Variants in LRRC53 observed in about 807,000 individuals in gnomAD.
LRRC53 encodes the protein leucine-rich repeat-containing protein 53.
Under a neutral mutation model 13.6 loss-of-function variants are expected in LRRC53, and 25 were observed. The ratio of observed to expected loss-of-function variants is 1.83; its 90% CI spans 1.34 to 2.56. The LOEUF is 2.56. LRRC53 is among the 30% of genes most tolerant of loss of function. LRRC53 has a pLI of 0.00. For synonymous variants in LRRC53, 204 were observed against 109.8 expected, an observed-to-expected ratio of 1.86 and a Z score of -5.37; for missense variants, 527 against 275.8, an observed-to-expected ratio of 1.91 and a Z score of -6.45.
chr1:74,475,881 A>G (rs889296023), intron 3 of LRRC53, 71 bp from the exon 4 acceptor site: 14 of 534,794 alleles, frequency 2.6e-5, no homozygotes, highest in Non-Finnish European at 4.0e-5. Context: ...AAATGTAAAA[A>G]CCACAAATAT....
At chr1:74,477,373 C>A (rs938365681) in intron 3 of LRRC53, among the ~76,000 whole-genome samples, 1 of 151,936 alleles carries the variant, frequency 6.6e-6, no homozygotes, top group Non-Finnish European at 1.5e-5. Context: ...TGCTTTGATT[C>A]AGTGAATGTT....
the LRRC53 span, among the ~76,000 whole-genome samples, chr1:74,525,881 T>G: frequency 1.3e-5 from 2 of 152,080 alleles, no homozygotes; most frequent in African/African-American, 4.8e-5. Flanking sequence ...AACCCCCACA[T>G]TACTGGCAAG....
At chr1:74,508,946 A>G (rs927583257) in intron 1 of LRRC53, among the ~76,000 whole-genome samples, 2 of 152,140 alleles carry the variant, frequency 1.3e-5, no homozygotes, top group Non-Finnish European at 2.9e-5. Context: ...TCCCTGAGAA[A>G]CTTATGTTGT....
chr1:74,475,274 T>C (rs1417732401), intron 4 of LRRC53, 21 bp downstream of exon 4: 7 of 627,952 alleles, frequency 1.1e-5, no homozygotes, highest in African/African-American at 1.1e-4. Flanking sequence ...AGTGGGATTT[T>C]CTAAAACAAG....
Position 74,470,771 on chromosome 1 carries a change from C to T in LRRC53, c.2851G>A (p.Ala951Thr), listed in dbSNP as rs1667887851. 1 of 400,504 alleles carries T rather than the reference C, an allele frequency of 2.5e-6. No individual in the cohort carries two copies. The highest frequency in any genetic ancestry group is 3.1e-4 in the Middle Eastern group (1 of 3,220). 24.8% of individuals were successfully genotyped at this position (400,504 alleles called of 1,614,324 possible). A position where few individuals can be genotyped will look rare whatever the true frequency, so the allele number is the denominator to read the frequency against. ...NKEYTLDQNE[A>T]LQHREQNSSH... ...GAATTTTGCTCTCTGTGTTGTAAGG[C>T]TTCATTTTGGTCTAAAGTGTATTCC... Residue 951 changes from alanine to threonine, a missense_variant, in exon 5 of 5, where the codon GCC becomes ACC. Ala to Thr is a moderately conservative substitution (Grantham distance 58, BLOSUM62 0). Transcript: ENST00000294635.
intron 1 of LRRC53, among the ~76,000 whole-genome samples, chr1:74,510,941 A>G (rs921307073): frequency 4.6e-5 from 7 of 152,112 alleles, no homozygotes; most frequent in East Asian, 1.9e-4. Context: ...AGGCTGGAGT[A>G]CAATGGTGCG....
In LRRC53 at chr1:74,475,646, G is replaced by A; in HGVS notation, c.1069C>T (p.His357Tyr). ...NYHTKGYCNCHLTQENEIKVM... is the reference protein window; with the variant it reads ...NYHTKGYCNCYLTQENEIKVM... The stretch of plus-strand genomic sequence containing the variant: ...TTTATCTCGTTTTCCTGAGTTAAGT[G>A]GCAGTTGCAGTATCCCTTAGTGTGG... The change falls in exon 4 of 5, where the codon CAC becomes TAC. Residue 357 changes from histidine (H) to tyrosine (Y), a missense_variant. Coordinates refer to ENST00000294635, the MANE Select transcript of LRRC53 (RefSeq NM_001382280.1). The A allele has an allele frequency of 1.4e-6, 1 of 717,064 alleles. No homozygotes were observed. The highest frequency in any genetic ancestry group is 2.6e-6 in the Non-Finnish European group (1 of 384,852). The allele number at this position is 717,064 out of a possible 1,614,324, so 44.4% of individuals were successfully genotyped here. A position where few individuals can be genotyped will look rare whatever the true frequency, so the allele number is the denominator to read the frequency against.
chr1:74,513,667 T>C (rs1314795636), upstream of LRRC53, among the ~76,000 whole-genome samples: 1 of 152,242 alleles, frequency 6.6e-6, no homozygotes, highest in Non-Finnish European at 1.5e-5. Flanking sequence ...TCATCCTTTT[T>C]GTTTCAGAGT....
rs1030294015 is a variant in LRRC53 at position 74,472,154 on chromosome 1, C to A, written c.1468G>T (p.Ala490Ser). The A allele has an allele frequency of 1.4e-6, 1 of 717,174 alleles. No individual in the cohort carries two copies. The highest frequency in any genetic ancestry group is 2.6e-6 in the Non-Finnish European group (1 of 384,814). The allele number at this position is 717,174 out of a possible 1,614,324, so 44.4% of individuals were successfully genotyped here. The change falls in exon 5 of 5, where the codon GCC (alanine) becomes TCC (serine). Residue 490 changes from alanine to serine, a missense_variant. Coordinates refer to ENST00000294635, the MANE Select transcript of LRRC53 (RefSeq NM_001382280.1). ...TTCTCAAGACTTTCTCCTGCCAAGG[C>A]TGAAGCGGGTGTTGCATATCTTCTT... ...FRRRYATPASALAGESLEKRL... is the reference protein window; with the variant it reads ...FRRRYATPASSLAGESLEKRL...
At chr1:74,497,933 G>GCT (rs1259161853) in intron 1 of LRRC53, among the ~76,000 whole-genome samples, 3 of 152,002 alleles carry the variant, frequency 2.0e-5, no homozygotes, top group Admixed American at 6.6e-5. Context: ...TGATACTGTC[G>GCT]CTCTCTCTCT....
chr1:74,489,707 A>G (rs1668953836), intron 1 of LRRC53, among the ~76,000 whole-genome samples: 1 of 152,176 alleles, frequency 6.6e-6, no homozygotes, highest in African/African-American at 2.4e-5. Context: ...ATGTTGCTTA[A>G]TGTGATATAT....
At chr1:74,529,426 C>T in the LRRC53 span, among the ~76,000 whole-genome samples, 75,393 of 151,940 alleles carry the variant, frequency 0.5, 19,504 homozygotes, top group East Asian at 0.73. Context: ...AAAAATGTCA[C>T]GGTTAGGAAA....
chr1:74,531,008 T>G, the LRRC53 span, among the ~76,000 whole-genome samples: 2 of 152,356 alleles, frequency 1.3e-5, no homozygotes, highest in East Asian at 3.9e-4. Context: ...CTTTGCCTAA[T>G]TGCTTTTTCC....
chr1:74,475,240 C>A (rs1445443298), intron 4 of LRRC53, 55 bp downstream of exon 4: 1 of 606,258 alleles, frequency 1.6e-6, no homozygotes, highest in Non-Finnish European at 3.0e-6. Context: ...AGGGAGGCTC[C>A]CTCCTTCAAA....
chr1:74,476,719 C>T lies in LRRC53; in HGVS notation c.905-909G>A, dbSNP rs377722142. Among the ~76,000 whole-genome samples, 7 of 152,112 alleles carry T rather than the reference C, an allele frequency of 4.6e-5. No homozygotes were observed. In the East Asian group the frequency reaches 7.7e-4, roughly 17 times the overall value. On this transcript the variant is annotated intron_variant, in intron 3 of 4. Coordinates refer to ENST00000294635, the MANE Select transcript of LRRC53 (RefSeq NM_001382280.1). ...AATAAAGAGATCTGTGCCCTAAACC[C>T]ACATCTGCCTGAGGACAGTGCCCTT...
chr1:74,500,398 G>A (rs560169743), intron 1 of LRRC53, among the ~76,000 whole-genome samples: 107 of 151,388 alleles, frequency 7.1e-4, no homozygotes, highest in African/African-American at 2.4e-3. Context: ...TCAGGAGATC[G>A]AGACCATCCC....
chr1:74,509,926 G>C (rs937352544), intron 1 of LRRC53, among the ~76,000 whole-genome samples: 4 of 151,172 alleles, frequency 2.6e-5, no homozygotes, highest in Non-Finnish European at 5.9e-5. Context: ...GCTAATTTTT[G>C]TATTTTTTGT....
chr1:74,479,687 C>T (rs1668381424), intron 3 of LRRC53, among the ~76,000 whole-genome samples: 1 of 152,206 alleles, frequency 6.6e-6, no homozygotes, highest in African/African-American at 2.4e-5. Context: ...AGCCCTCTGA[C>T]TCTTACTATA....
chr1:74,522,365 C>T, the LRRC53 span, among the ~76,000 whole-genome samples: 8 of 152,120 alleles, frequency 5.3e-5, no homozygotes, highest in African/African-American at 1.9e-4. Flanking sequence ...CCTATGGGAA[C>T]CTGCAGCAGC....
Sources: allele counts gnomAD v4.1 joint callset (sites outside exome capture counted in the v4.1 genomes callset), GRCh38; gene constraint gnomAD v4.1.1; transcripts MANE v1.5; gene names NCBI Gene and HGNC (gene_info 2026-07-23, HGNC 2026-07-21).